The following VEPH1 variants were observed in gnomAD, a reference collection of about 807,000 sequenced individuals.
The protein encoded by VEPH1 is ventricular zone-expressed PH domain-containing protein homolog 1.
In VEPH1, 80 loss-of-function variants were observed where a neutral mutation model predicts 85.2. The ratio of observed to expected loss-of-function variants is 0.94; its 90% CI spans 0.78 to 1.13. The LOEUF (loss-of-function observed/expected upper bound fraction) is 1.13. VEPH1 is among the 50% of genes most tolerant of loss of function. The pLI, the probability that VEPH1 is intolerant of heterozygous loss-of-function variation, is 0.00. For synonymous variants in VEPH1, 297 were observed against 348.0 expected, an observed-to-expected ratio of 0.85 and a Z score of 1.63; for missense variants, 955 against 980.5, an observed-to-expected ratio of 0.97 and a Z score of 0.35.
intron 12 of VEPH1, among the ~76,000 whole-genome samples, chr3:157,271,859 TG>T (rs1714600589): frequency 1.3e-5 from 2 of 151,812 alleles, no homozygotes; most frequent in African/African-American, 4.8e-5. Context: ...ATGAAAAAAA[TG>T]GAATTAGAAG....
intron 12 of VEPH1, among the ~76,000 whole-genome samples, chr3:157,276,279 A>G (rs1027252484): frequency 3.3e-5 from 5 of 152,256 alleles, no homozygotes; most frequent in Non-Finnish European, 5.9e-5. Context: ...GATGCAAAAA[A>G]GCTTCAGAAA....
chr3:157,260,857 C>A lies in VEPH1; in HGVS notation c.*277G>T. 1 of 334,552 alleles carries A rather than the reference C, an allele frequency of 3.0e-6. No individual in the cohort carries two copies. 20.7% of individuals were successfully genotyped at this position (334,552 alleles called of 1,614,324 possible). ...TCTTTTATCAGTGACTTTTCCCTTC[C>A]TGGCCCCACACTATCTGAGGGCATA... On this transcript the variant is annotated 3_prime_UTR_variant, in exon 14 of 14. Transcript: ENST00000362010.
At chr3:157,289,512 G>T (rs1717212896) in intron 11 of VEPH1, among the ~76,000 whole-genome samples, 1 of 152,204 alleles carries the variant, frequency 6.6e-6, no homozygotes, top group South Asian at 2.1e-4. Flanking sequence ...AAAGACAGAT[G>T]AAACACATAT....
chr3:157,286,352 G>T, intron 12 of VEPH1: 2 of 598,060 alleles, frequency 3.3e-6, no homozygotes, highest in Non-Finnish European at 6.1e-6. Flanking sequence ...GTAAGGGATT[G>T]TTTCTCTGCC....
intron 9 of VEPH1, among the ~76,000 whole-genome samples, chr3:157,330,244 A>AT (rs1722355811): frequency 6.6e-6 from 1 of 152,218 alleles, no homozygotes; most frequent in South Asian, 2.1e-4. Flanking sequence ...TCTATAGTCA[A>AT]TTTTTCTGCT....
chr3:157,419,434 T>C (rs746459223), intron 5 of VEPH1, among the ~76,000 whole-genome samples: 9 of 151,876 alleles, frequency 5.9e-5, no homozygotes, highest in Non-Finnish European at 1.2e-4. Context: ...CTGACAAAGG[T>C]CTAATATCCA....
chr3:157,413,466 G>T (rs993136005), intron 6 of VEPH1: 4 of 985,248 alleles, frequency 4.1e-6, no homozygotes, highest in Middle Eastern at 5.2e-4. Flanking sequence ...GGTCTCCTGG[G>T]TTAAGAGAAA....
chr3:157,331,367 A>G (rs1043730739), intron 9 of VEPH1, among the ~76,000 whole-genome samples: 4 of 152,186 alleles, frequency 2.6e-5, no homozygotes, highest in Non-Finnish European at 4.4e-5. Flanking sequence ...ATTCTATTCT[A>G]GTTAGTCTCT....
chr3:157,498,234 G>T (rs6786828), intron 1 of VEPH1, among the ~76,000 whole-genome samples: 3 of 152,182 alleles, frequency 2.0e-5, no homozygotes, highest in East Asian at 3.9e-4. Flanking sequence ...GCTATTCAGC[G>T]ATTATAGGAC....
At chr3:157,488,223 T>C (rs1361390294) in intron 2 of VEPH1, among the ~76,000 whole-genome samples, 2 of 152,164 alleles carry the variant, frequency 1.3e-5, no homozygotes, top group Non-Finnish European at 1.5e-5. Flanking sequence ...CTGATCTTTA[T>C]GGGAAAATGC....
At chr3:157,418,876 G>A (rs931782440) in intron 5 of VEPH1, among the ~76,000 whole-genome samples, 40 of 151,960 alleles carry the variant, frequency 2.6e-4, no homozygotes, top group African/African-American at 9.2e-4. Context: ...TAGCCAAGAC[G>A]ATCCTAAGCA....
intron 7 of VEPH1, among the ~76,000 whole-genome samples, chr3:157,369,438 A>G (rs1006761602): frequency 6.6e-6 from 1 of 152,230 alleles, no homozygotes; most frequent in African/African-American, 2.4e-5. Flanking sequence ...GAGAATTCTC[A>G]CCGCAAAGAC....
At chr3:157,281,816 G>A (rs1273269711) in intron 12 of VEPH1, among the ~76,000 whole-genome samples, 2 of 152,166 alleles carry the variant, frequency 1.3e-5, no homozygotes, top group Non-Finnish European at 2.9e-5. Flanking sequence ...GATTACAGGC[G>A]TGAGCCACTA....
chr3:157,284,603 T>C (rs75560636), intron 12 of VEPH1, among the ~76,000 whole-genome samples: 1 of 152,166 alleles, frequency 6.6e-6, no homozygotes, highest in East Asian at 1.9e-4. Context: ...ATTTAAGTGC[T>C]TATATAAAAA....
chr3:157,349,548 G>T (rs935098039), intron 9 of VEPH1, among the ~76,000 whole-genome samples: 3 of 151,970 alleles, frequency 2.0e-5, no homozygotes, highest in African/African-American at 7.2e-5. Flanking sequence ...GTAAGAGAAA[G>T]AAAGAAAGAA....
chr3:157,465,811 T>C (rs1440242850), intron 3 of VEPH1, among the ~76,000 whole-genome samples: 1 of 152,232 alleles, frequency 6.6e-6, no homozygotes, highest in African/African-American at 2.4e-5. Context: ...CAGCAGCAGA[T>C]CTGGAGATTA....
intron 10 of VEPH1, 25 bp downstream of exon 10, chr3:157,317,037 C>G: frequency 1.3e-6 from 2 of 1,598,978 alleles, no homozygotes; most frequent in Non-Finnish European, 1.7e-6. Context: ...CATTAAAGAG[C>G]CTGATGAACA....
chr3:157,299,006 T>C (rs1297933859), intron 11 of VEPH1, among the ~76,000 whole-genome samples: 4 of 152,212 alleles, frequency 2.6e-5, no homozygotes, highest in African/African-American at 9.6e-5. Context: ...CCAGAATTTA[T>C]ATTTTGAAAT....
At chr3:157,438,273 G>A (rs1378522786) in intron 4 of VEPH1, among the ~76,000 whole-genome samples, 5 of 151,990 alleles carry the variant, frequency 3.3e-5, no homozygotes, top group African/African-American at 1.2e-4. Flanking sequence ...CGTTATAACC[G>A]TGATCCCTCT....
Sources: allele counts gnomAD v4.1 joint callset (sites outside exome capture counted in the v4.1 genomes callset), GRCh38; gene constraint gnomAD v4.1.1; transcripts MANE v1.5; gene names NCBI Gene and HGNC (gene_info 2026-07-23, HGNC 2026-07-21).